The following HTR3D variants were observed in gnomAD, a reference collection of about 807,000 sequenced individuals.
The protein encoded by HTR3D is 5-hydroxytryptamine receptor 3D, also known as 5-hydroxytryptamine (serotonin) receptor 3 family member D.
In HTR3D, 47 loss-of-function variants were observed where a neutral mutation model predicts 45.8. The observed-to-expected ratio is 1.03, with a 90% CI of 0.81 to 1.31. The LOEUF (loss-of-function observed/expected upper bound fraction) is 1.31, where lower values mean the gene tolerates loss of function less well. Ranked by LOEUF, HTR3D falls within the 50% of genes most tolerant of loss-of-function variation. The probability of loss-of-function intolerance (pLI) is 0.00; values close to 1 mark genes in which losing one functional copy is unlikely to be tolerated. For synonymous variants in HTR3D, 203 were observed against 199.8 expected (o/e 1.02, Z -0.13); for missense variants, 448 against 506.9 (o/e 0.88, Z 1.12).
rs150097323 is a variant in HTR3D, at chr3:184,036,137, G to A, written c.197+37G>A. 107 of 1,539,880 alleles carry A rather than the reference G, an allele frequency of 6.9e-5. No homozygotes were observed. The East Asian group carries it at 2.0e-3, about 29-fold the overall frequency. On this transcript the variant is annotated intron_variant, in intron 3 of 7. Coordinates refer to ENST00000428798, the MANE Select transcript of HTR3D (RefSeq NM_001145143.1). ...GCCAAAAAAGCAGAATGGAAACCACGTCTACAGGGAAGGACACAATGTTAC... is the reference window on the plus strand; with the variant it reads ...GCCAAAAAAGCAGAATGGAAACCACATCTACAGGGAAGGACACAATGTTAC...
intron 1 of HTR3D, 87 bp from the exon 2 acceptor site, chr3:184,035,091 C>T: frequency 4.5e-6 from 7 of 1,542,888 alleles, no homozygotes; most frequent in Non-Finnish European, 6.1e-6. Context: ...GCCACATGGA[C>T]CAGCCTTGGA....
At chr3:184,036,992 T>C in intron 5 of HTR3D, 96 bp downstream of exon 5, 1 of 1,249,282 alleles carries the variant, frequency 8.0e-7, no homozygotes, top group Non-Finnish European at 1.1e-6. Flanking sequence ...CCTCCCAAAG[T>C]GCTGGGATTA....
intron 1 of HTR3D, chr3:184,033,099 G>C: frequency 2.2e-6 from 3 of 1,388,840 alleles, no homozygotes; most frequent in Non-Finnish European, 2.9e-6. Flanking sequence ...CTAGTGGTGA[G>C]CAGTGGACCC....
intron 1 of HTR3D, among the ~76,000 whole-genome samples, chr3:184,034,353 A>G (rs549906509): frequency 1.3e-5 from 2 of 152,364 alleles, no homozygotes; most frequent in African/African-American, 4.8e-5. Flanking sequence ...AGTCACAAAA[A>G]GACAAATAGT....
At position 184,036,753 on chromosome 3, in the gene HTR3D, G is replaced by A; in HGVS notation, c.373G>A (p.Ala125Thr). The part of the protein sequence containing the change: ...SALSPTQVTR[A>T]WRRMSRSFQI... The stretch of plus-strand genomic sequence containing the variant: ...TTTGCAGTGGAGAACACGAGCCCGG[G>A]CATGGAGAAGGATGTCCAGGAGCTT... Residue 125 changes from alanine (A) to threonine (T), a missense_variant, in exon 5 of 8, where the codon GCA becomes ACA. Physicochemically the swap from Ala to Thr is moderately conservative, Grantham distance 58. Coordinates refer to ENST00000428798, the MANE Select transcript of HTR3D (RefSeq NM_001145143.1). The A allele has an allele frequency of 6.4e-7, 1 of 1,552,220 alleles. No individual in the cohort carries two copies. Among genetic ancestry groups the A allele is most frequent in the Non-Finnish European group, 8.7e-7 (1 of 1,147,106 alleles).
chr3:184,031,756 G>A lies in HTR3D; in HGVS notation c.15G>A (p.Trp5Ter). 6.4e-7 allele frequency: 1 copy of A among 1,551,364 alleles called. No homozygotes were observed. Among genetic ancestry groups the A allele is most frequent in the Non-Finnish European group, 8.7e-7 (1 of 1,146,764 alleles). The change falls in exon 1 of 8, where the codon TGG becomes TGA. Residue 5 changes from tryptophan (W) to a stop codon, truncating the protein, a stop_gained. Coordinates refer to ENST00000428798, the MANE Select transcript of HTR3D (RefSeq NM_001145143.1). LOFTEE classifies it high-confidence loss of function. The stretch of plus-strand genomic sequence containing the variant: ...AAGAGAGGAAGATGGAAAGAGGCTG[G>A]TTCCATGGGAAAGGATTCCTCCTTG... MERG[W>*]FHGKGFLLGF... is the part of the protein sequence containing the mutation.
intron 5 of HTR3D, 136 bp from the exon 6 acceptor site, chr3:184,037,885 G>A (rs186358614): frequency 1.6e-5 from 17 of 1,058,494 alleles, no homozygotes; most frequent in East Asian, 2.6e-5. Context: ...TGAAAAGACC[G>A]GATGCTGAAA....
intron 1 of HTR3D, among the ~76,000 whole-genome samples, chr3:184,034,062 A>T (rs1355702724): frequency 6.6e-6 from 1 of 152,256 alleles, no homozygotes; most frequent in Admixed American, 6.5e-5. Context: ...TTTTCTCAAA[A>T]TATTAAAAAT....
chr3:184,031,849 C>G, intron 1 of HTR3D, 42 bp downstream of exon 1: 9 of 1,384,060 alleles, frequency 6.5e-6, no homozygotes, highest in Non-Finnish European at 9.0e-6. Flanking sequence ...ACATGTAACT[C>G]CTGGGAAGCA....
Position 184,038,237 on chromosome 3 carries a change from C to T in HTR3D, c.733C>T (p.Leu245=). The T allele has an allele frequency of 6.2e-7, 1 of 1,614,232 alleles. No individual in the cohort carries two copies. Among genetic ancestry groups the T allele is most frequent in the Non-Finnish European group, 8.5e-7 (1 of 1,180,050 alleles). ...CACTAGCACTTCATCACATGCTTCA[C>T]TAGTACGTCCTCATCCATCAAGAGA... ...PATSTSSHAS[L]VRPHPSRDQK... The change falls in exon 6 of 8, where the codon CTA becomes TTA. Residue 245 remains leucine, a synonymous_variant. Transcript: ENST00000428798. The surrounding 1 kb of genome is among the most constrained non-coding windows in gnomAD (Gnocchi z 4.5).
chr3:184,037,759 C>T (rs774683355), intron 5 of HTR3D, among the ~76,000 whole-genome samples: 1 of 152,084 alleles, frequency 6.6e-6, no homozygotes. Flanking sequence ...GCTAAGAGCA[C>T]GTCGGTAGGA....
At chr3:184,033,806 A>G (rs1413485250) in intron 1 of HTR3D, among the ~76,000 whole-genome samples, 1 of 152,162 alleles carries the variant, frequency 6.6e-6, no homozygotes, top group Non-Finnish European at 1.5e-5. Context: ...AATCCCAGCT[A>G]GTCGGGAGGA....
intron 1 of HTR3D, among the ~76,000 whole-genome samples, chr3:184,034,360 T>C (rs747093577): frequency 2.0e-5 from 3 of 152,060 alleles, no homozygotes; most frequent in Non-Finnish European, 2.9e-5. Context: ...AAAAGACAAA[T>C]AGTGTATTTG....
At position 184,034,807 on chromosome 3, in the gene HTR3D, G is replaced by A. The variant is rs574710112; in HGVS notation, c.67-371G>A. ...GGCGCCACTGCACTCCAGCCTGGGC[G>A]ACAGAGCAAGATTCTGTCTCAAAAA... On this transcript the variant is annotated intron_variant, in intron 1 of 7. Transcript: ENST00000428798. 6.6e-5 allele frequency among the ~76,000 whole-genome samples: 10 copies of A among 152,100 alleles called. 1 individual carries two copies. The East Asian group carries it at 9.7e-4, about 15-fold the overall frequency.
chr3:184,038,410 T>C lies in HTR3D; in HGVS notation c.771T>C (p.Gly257=). The C allele has an allele frequency of 6.2e-7, 1 of 1,614,060 alleles. No homozygotes were observed. Among genetic ancestry groups the C allele is most frequent in the South Asian group, 1.1e-5 (1 of 91,074 alleles). Reference sequence around the variant, plus strand: ...TCATGCAGACCCCCTTGCCTGCAGGTGTCTACTTCGCCCTGTGCCTGTCCC... The same window carrying C: ...TCATGCAGACCCCCTTGCCTGCAGGCGTCTACTTCGCCCTGTGCCTGTCCC... ...RPHPSRDQKR[G]VYFALCLSLM... Residue 257 remains glycine, a splice_region_variant and synonymous_variant, in exon 7 of 8, where the codon GGT becomes GGC. Transcript: ENST00000428798. This position sits in a 1 kb window ranked among gnomAD's most constrained non-coding sequence, Gnocchi z 4.5.
At chr3:184,032,501 C>A (rs531618525) in intron 1 of HTR3D, among the ~76,000 whole-genome samples, 1 of 152,282 alleles carries the variant, frequency 6.6e-6, no homozygotes, top group South Asian at 2.1e-4. Flanking sequence ...TACAGCGAGG[C>A]GGAGAACTGT....
In HTR3D at chr3:184,038,120, C is replaced by A. The variant is rs754787989; in HGVS notation, c.616C>A (p.Pro206Thr). Residue 206 changes from proline (P) to threonine (T), a missense_variant, in exon 6 of 8, where the codon CCA (proline) becomes ACA (threonine). Transcript: ENST00000428798. The surrounding 1 kb of genome is among the most constrained non-coding windows in gnomAD (Gnocchi z 4.5). ...CATCGATGCCCTCAGTTTCTACCTG[C>A]CACTGGAAAGTGGGAATTGTGCCCC... ...IAIDALSFYL[P>T]LESGNCAPFK... 2 of 1,614,150 alleles carry A rather than the reference C, an allele frequency of 1.2e-6. No homozygotes were observed. The highest frequency in any genetic ancestry group is 2.2e-5 in the South Asian group (2 of 91,082).
At position 184,036,318 on chromosome 3, in the gene HTR3D, G is replaced by A. The variant is rs111457482; in HGVS notation, c.198-57G>A. ...TGACCTGACAGAGAAAGAAGGCCAA[G>A]TCTGATGGGGAAACCCACAGCACCT... On this transcript the variant is annotated intron_variant, in intron 3 of 7. Transcript: ENST00000428798. 3.0e-3 allele frequency: 4,804 copies of A among 1,594,822 alleles called. 56 individuals carry two copies. Among genetic ancestry groups the A allele is most frequent in the African/African-American group, 0.029 (2,184 of 74,660 alleles).
intron 1 of HTR3D, 182 bp from the exon 2 acceptor site, chr3:184,034,996 T>C: frequency 7.3e-7 from 1 of 1,376,712 alleles, no homozygotes; most frequent in Non-Finnish European, 9.6e-7. Flanking sequence ...ACCTTCATAC[T>C]GTGTTTTTCA....
Sources: gnomAD v4.1 joint callset for allele counts (sites outside exome capture counted in the v4.1 genomes callset) on GRCh38, gnomAD v4.1.1 for gene constraint, Gnocchi (gnomAD v3.1) non-coding constraint, MANE v1.5 for transcripts, NCBI Gene and HGNC (gene_info 2026-07-23, HGNC 2026-07-21) for gene names.